PDSS2: variants seen among roughly 807,000 people sequenced by gnomAD.
PDSS2 encodes the protein decaprenyl diphosphate synthase subunit 2.
PDSS2 carries 31 observed loss-of-function variants against 44.5 expected under a neutral mutation model. That is an observed-to-expected ratio of 0.70 (90% CI 0.52 to 0.94). The LOEUF (loss-of-function observed/expected upper bound fraction) is 0.94, where lower values mean the gene tolerates loss of function less well. Among genes scored for constraint, PDSS2 ranks in the 40% least tolerant of loss-of-function variants. PDSS2 has a pLI of 0.00. For synonymous variants in PDSS2, 157 were observed against 180.3 expected (o/e 0.87, Z 1.03); for missense variants, 452 against 482.2 (o/e 0.94, Z 0.59).
intron 1 of PDSS2, among the ~76,000 whole-genome samples, chr6:107,372,209 AG>A (rs1313689130): frequency 6.6e-6 from 1 of 152,190 alleles, no homozygotes; most frequent in Non-Finnish European, 1.5e-5. Context: ...CAAAGATTTT[AG>A]CAGGTACCAG....
At chr6:107,404,009 G>T (rs1313675146) in intron 1 of PDSS2, among the ~76,000 whole-genome samples, 2 of 152,120 alleles carry the variant, frequency 1.3e-5, no homozygotes, top group East Asian at 3.9e-4. Context: ...GCATCATCAG[G>T]CTGCAATTTT....
At chr6:107,408,769 A>T (rs1202612715) in intron 1 of PDSS2, among the ~76,000 whole-genome samples, 1 of 152,220 alleles carries the variant, frequency 6.6e-6, no homozygotes, top group African/African-American at 2.4e-5. Flanking sequence ...CTAGAAATTT[A>T]GATTTTTCAA....
intron 7 of PDSS2, among the ~76,000 whole-genome samples, chr6:107,168,789 A>T (rs1180221492): frequency 6.6e-6 from 1 of 152,092 alleles, no homozygotes; most frequent in Admixed American, 6.6e-5. Context: ...TTCTTTAAGA[A>T]TGTTGAATAT....
intron 7 of PDSS2, among the ~76,000 whole-genome samples, chr6:107,159,424 T>C (rs1392483046): frequency 4.7e-5 from 7 of 148,048 alleles, no homozygotes; most frequent in African/African-American, 1.5e-4. Context: ...CTTTTCTTTT[T>C]TTTTTTTTTT....
chr6:107,398,692 C>T (rs530063135), intron 1 of PDSS2, among the ~76,000 whole-genome samples: 3 of 152,308 alleles, frequency 2.0e-5, no homozygotes, highest in East Asian at 1.9e-4. Context: ...AATAAGTCTG[C>T]GAATTTCAGG....
chr6:107,294,134 G>A (rs1443646565), intron 2 of PDSS2, among the ~76,000 whole-genome samples: 1 of 152,134 alleles, frequency 6.6e-6, no homozygotes, highest in Non-Finnish European at 1.5e-5. Flanking sequence ...GACCAAAGAG[G>A]GAACCTTGGC....
chr6:107,450,041 CT>C (rs1479706176), intron 1 of PDSS2, among the ~76,000 whole-genome samples: 1 of 152,174 alleles, frequency 6.6e-6, no homozygotes, highest in Non-Finnish European at 1.5e-5. Context: ...GCTTTCAATT[CT>C]TTTGGAAACA....
chr6:107,229,311 A>C (rs974465528), intron 4 of PDSS2, among the ~76,000 whole-genome samples: 2 of 151,966 alleles, frequency 1.3e-5, no homozygotes, highest in African/African-American at 4.8e-5. Context: ...CTCAGCCTCC[A>C]GAGTAGCTGG....
At chr6:107,286,882 T>C (rs1001194356) in intron 2 of PDSS2, among the ~76,000 whole-genome samples, 2 of 151,380 alleles carry the variant, frequency 1.3e-5, no homozygotes, top group African/African-American at 4.9e-5. Context: ...CTACTAAAAA[T>C]AGAAAAAATT....
intron 2 of PDSS2, among the ~76,000 whole-genome samples, chr6:107,283,226 T>A (rs901963903): frequency 6.6e-6 from 1 of 151,894 alleles, no homozygotes; most frequent in Non-Finnish European, 1.5e-5. Context: ...CTTGGGAGGC[T>A]GAGGCAGGAG....
At chr6:107,276,114 C>CAAAAAAAAAAAAAAAAAA (rs57590944) in intron 2 of PDSS2, among the ~76,000 whole-genome samples, 1 of 90,092 alleles carries the variant, frequency 1.1e-5, no homozygotes, top group African/African-American at 4.5e-5. Flanking sequence ...GACCCTATCT[C>CAAAAAAAAAAAAAAAAAA]AAAAAAAAGG....
At chr6:107,207,992 T>TTC (rs1554254017) in intron 6 of PDSS2, among the ~76,000 whole-genome samples, 3 of 145,702 alleles carry the variant, frequency 2.1e-5, no homozygotes, top group African/African-American at 7.5e-5. Context: ...TTTTTTTTTT[T>TTC]TTTTTTTTTA....
intron 7 of PDSS2, among the ~76,000 whole-genome samples, chr6:107,189,495 A>C (rs549128422): frequency 6.6e-6 from 1 of 151,962 alleles, no homozygotes; most frequent in Non-Finnish European, 1.5e-5. Context: ...GTGCTACCAC[A>C]CCCGGCTAAT....
chr6:107,158,405 G>A (rs963131781), intron 7 of PDSS2, among the ~76,000 whole-genome samples: 14 of 151,864 alleles, frequency 9.2e-5, no homozygotes, highest in African/African-American at 3.1e-4. Context: ...GGCTGGTCTC[G>A]AACTCCTGAC....
At chr6:107,202,291 G>A (rs1387153663) in intron 6 of PDSS2, among the ~76,000 whole-genome samples, 6 of 151,976 alleles carry the variant, frequency 3.9e-5, no homozygotes, top group Admixed American at 3.9e-4. Context: ...CTCCCGCCTT[G>A]GCCTCCCAAA....
intron 1 of PDSS2, among the ~76,000 whole-genome samples, chr6:107,377,535 G>A (rs1169955051): frequency 6.6e-6 from 1 of 152,006 alleles, no homozygotes; most frequent in African/African-American, 2.4e-5. Flanking sequence ...TCCATTACTG[G>A]GTATATACCC....
chr6:107,217,549 A>AT (rs1773453498), intron 4 of PDSS2, among the ~76,000 whole-genome samples: 1 of 152,006 alleles, frequency 6.6e-6, no homozygotes, highest in Non-Finnish European at 1.5e-5. Context: ...CTTCTGACCA[A>AT]TAAAAAAAAA....
chr6:107,239,537 A>G (rs547715690), intron 4 of PDSS2, among the ~76,000 whole-genome samples: 1 of 151,674 alleles, frequency 6.6e-6, no homozygotes, highest in South Asian at 2.1e-4. Context: ...AAACATAATC[A>G]TGATTCATTT....
At chr6:107,435,220 A>G (rs1781312274) in intron 1 of PDSS2, among the ~76,000 whole-genome samples, 1 of 151,628 alleles carries the variant, frequency 6.6e-6, no homozygotes, top group Non-Finnish European at 1.5e-5. Context: ...TCAATACTGC[A>G]GTGAGCTATG....
Sources: gnomAD v4.1 joint callset for allele counts (sites outside exome capture counted in the v4.1 genomes callset) on GRCh38, gnomAD v4.1.1 for gene constraint, MANE v1.5 for transcripts, NCBI Gene and HGNC (gene_info 2026-07-23, HGNC 2026-07-21) for gene names.